Variants in JPH4 observed in about 807,000 individuals in gnomAD.
The protein encoded by JPH4 is junctophilin-4.
Under a neutral mutation model 57.6 loss-of-function variants are expected in JPH4, and 18 were observed. That is an observed-to-expected ratio of 0.31 (90% confidence interval 0.22 to 0.46). JPH4 has a LOEUF of 0.46. Among genes scored for constraint, JPH4 ranks in the 20% least tolerant of loss-of-function variants. The probability of loss-of-function intolerance (pLI) is 1.00; values close to 1 mark genes in which losing one functional copy is unlikely to be tolerated. For synonymous variants in JPH4, 425 were observed against 406.6 expected, an observed-to-expected ratio of 1.05 and a Z score of -0.54; for missense variants, 727 against 911.1, an observed-to-expected ratio of 0.80 and a Z score of 2.60.
Position 23,576,193 on chromosome 14 carries a change from C to A in JPH4, c.643G>T (p.Ala215Ser). Residue 215 changes from alanine to serine, a missense_variant, in exon 3 of 6, where the codon GCC (alanine) becomes TCC (serine). Ala to Ser is a moderately conservative substitution (Grantham distance 99). This residue lies in a region of JPH4 where 131 missense variants were observed against 156.5 expected (regional missense o/e 0.84). Transcript: ENST00000356300. This position sits in a 1 kb window ranked among gnomAD's most constrained non-coding sequence, Gnocchi z 8.0. ...AGCGAACGGCGAAAGAATCCGCCGGCCGCCGGAGTGCGCTTTCGGGACGAC... is the reference window on the plus strand; with the variant it reads ...AGCGAACGGCGAAAGAATCCGCCGGACGCCGGAGTGCGCTTTCGGGACGAC... ...GASSRKRTPAAGGFFRRSLLL... is the reference protein window; with the variant it reads ...GASSRKRTPASGGFFRRSLLL... 2 of 1,293,054 alleles carry A rather than the reference C, an allele frequency of 1.5e-6. No individual in the cohort carries two copies. The highest frequency in any genetic ancestry group is 2.0e-6 in the Non-Finnish European group (2 of 1,019,756). 80.1% of individuals were successfully genotyped at this position (1,293,054 alleles called of 1,614,324 possible).
rs1225132904 is a variant in JPH4 at position 23,569,254 on chromosome 14, C to G, written c.*380G>C. 3.5e-6 allele frequency: 1 copy of G among 286,884 alleles called. No homozygotes were observed. The allele number at this position is 286,884 out of a possible 1,614,324, so 17.8% of individuals were successfully genotyped here. ...CAGGAGTCTCCTTAGGACACCAAAC[C>G]CCCACCCGCAGCGAAGTTGAGGTCT... On this transcript the variant is annotated 3_prime_UTR_variant, in exon 6 of 6. Coordinates refer to ENST00000356300, the MANE Select transcript of JPH4 (RefSeq NM_001146028.2). The surrounding 1 kb of genome is among the most constrained non-coding windows in gnomAD (Gnocchi z 4.8).
chr14:23,571,506 G>C lies in JPH4; in HGVS notation c.1271-46C>G. 1 of 1,570,558 alleles carries C rather than the reference G, an allele frequency of 6.4e-7. No individual in the cohort carries two copies. Among genetic ancestry groups the C allele is most frequent in the Non-Finnish European group, 8.6e-7 (1 of 1,165,864 alleles). On this transcript the variant is annotated intron_variant, in intron 4 of 5. Coordinates refer to ENST00000356300, the MANE Select transcript of JPH4 (RefSeq NM_001146028.2). The surrounding 1 kb of genome is among the most constrained non-coding windows in gnomAD (Gnocchi z 4.6). ...ATCAGAGGGGCCTAACTGGCCTTGG[G>C]CTGGAGTGGCTGCAGCTTTATTCCT...
chr14:23,571,781 C>A lies in JPH4; in HGVS notation c.1270+21G>T. The A allele has an allele frequency of 6.2e-7, 1 of 1,604,026 alleles. No homozygotes were observed. Among genetic ancestry groups the A allele is most frequent in the South Asian group, 1.1e-5 (1 of 90,948 alleles). ...CTCCCTAGGGGCCTCACTGCCCTCC[C>A]CCCAGCTGTCCATGCCTCACCTGGG... is the stretch of plus-strand genomic sequence containing the variant. On this transcript the variant is annotated intron_variant, in intron 4 of 5. Coordinates refer to ENST00000356300, the MANE Select transcript of JPH4 (RefSeq NM_001146028.2). The surrounding 1 kb of genome is among the most constrained non-coding windows in gnomAD (Gnocchi z 4.6).
At chr14:23,570,663 C>T (rs1442564335) in intron 5 of JPH4, among the ~76,000 whole-genome samples, 2 of 152,002 alleles carry the variant, frequency 1.3e-5, no homozygotes, top group African/African-American at 2.4e-5. Flanking sequence ...CGTGAGCCAC[C>T]GCGCCCGGCC....
In JPH4 at chr14:23,571,123, G is replaced by A. The variant is rs777264708; in HGVS notation, c.1608C>T (p.Ser536=). Residue 536 remains serine, a synonymous_variant, in exon 5 of 6, where the codon AGC becomes AGT. Transcript: ENST00000356300. The surrounding 1 kb of genome is among the most constrained non-coding windows in gnomAD (Gnocchi z 4.6). Reference sequence around the variant, plus strand: ...CCTCTCGAAGACTTCCTGAACTGTCGCTGCAGCCTCCGAGGAGTGGGGAAC... The same window carrying A: ...CCTCTCGAAGACTTCCTGAACTGTCACTGCAGCCTCCGAGGAGTGGGGAAC... The part of the protein sequence containing the change: ...RDGSPLLGGC[S]DSSGSLREEE... The A allele has an allele frequency of 2.0e-5, 32 of 1,613,944 alleles. No individual in the cohort carries two copies. Among genetic ancestry groups the A allele is most frequent in the African/African-American group, 1.9e-4 (14 of 74,912 alleles).
Position 23,576,188 on chromosome 14 carries a change from G to A in JPH4, c.648C>T (p.Gly216=), listed in dbSNP as rs1391024887. The A allele has an allele frequency of 1.5e-6, 2 of 1,294,052 alleles. No homozygotes were observed. Among genetic ancestry groups the A allele is most frequent in the African/African-American group, 1.5e-5 (1 of 64,722 alleles). 80.2% of individuals were successfully genotyped at this position (1,294,052 alleles called of 1,614,324 possible). A position where few individuals can be genotyped will look rare whatever the true frequency, so the allele number is the denominator to read the frequency against. ...ASSRKRTPAA[G]GFFRRSLLLS... is the part of the protein sequence containing the mutation. ...GCAGCAGCGAACGGCGAAAGAATCC[G>A]CCGGCCGCCGGAGTGCGCTTTCGGG... Residue 216 remains glycine, a synonymous_variant, in exon 3 of 6, where the codon GGC becomes GGT. Transcript: ENST00000356300. The surrounding 1 kb of genome is among the most constrained non-coding windows in gnomAD (Gnocchi z 8.0).
chr14:23,572,835 T>C (rs1408907003), intron 3 of JPH4: 2 of 702,218 alleles, frequency 2.8e-6, no homozygotes, highest in African/African-American at 3.5e-5. Context: ...CCTACCACCT[T>C]CCCTGCTCCT....
chr14:23,571,333 G>A lies in JPH4; in HGVS notation c.1398C>T (p.Ser466=). 6.3e-7 allele frequency: 1 copy of A among 1,596,614 alleles called. No individual in the cohort carries two copies. Among genetic ancestry groups the A allele is most frequent in the Non-Finnish European group, 8.5e-7 (1 of 1,174,044 alleles). ...GSPELPSSPA[S]SRQPWRPPAC... is the part of the protein sequence containing the mutation. ...CAGGGGGTCGCCAGGGTTGGCGGGAGGAGGCAGGACTGCTGGGCAGTTCAG... is the reference window on the plus strand; with the variant it reads ...CAGGGGGTCGCCAGGGTTGGCGGGAAGAGGCAGGACTGCTGGGCAGTTCAG... The change falls in exon 5 of 6, where the codon TCC becomes TCT. Residue 466 remains serine, a synonymous_variant. Coordinates refer to ENST00000356300, the MANE Select transcript of JPH4 (RefSeq NM_001146028.2). The surrounding 1 kb of genome is among the most constrained non-coding windows in gnomAD (Gnocchi z 4.6).
chr14:23,576,068 T>G lies in JPH4; in HGVS notation c.768A>C (p.Gly256=). The G allele has an allele frequency of 7.6e-7, 1 of 1,313,798 alleles. No homozygotes were observed. The highest frequency in any genetic ancestry group is 3.2e-5 in the East Asian group (1 of 31,626). The allele number at this position is 1,313,798 out of a possible 1,614,324, so 81.4% of individuals were successfully genotyped here. The stretch of plus-strand genomic sequence containing the variant: ...GCCCGCTGGCCTCCGAGCCGGGCGG[T>G]CCGGTGCTGCCCACCTCGCTGCTCA... The part of the protein sequence containing the change: ...SEVSSEVGST[G]PPGSEASGPP... The change falls in exon 3 of 6, where the codon GGA becomes GGC. Residue 256 remains glycine, a synonymous_variant. Transcript: ENST00000356300. This position sits in a 1 kb window ranked among gnomAD's most constrained non-coding sequence, Gnocchi z 8.0.
At position 23,575,894 on chromosome 14, in the gene JPH4, C is replaced by T; in HGVS notation, c.942G>A (p.Arg314=). 6.4e-7 allele frequency: 1 copy of T among 1,571,222 alleles called. No individual in the cohort carries two copies. Among genetic ancestry groups the T allele is most frequent in the Non-Finnish European group, 8.6e-7 (1 of 1,163,258 alleles). ...RYEGEWLGNR[R]HGYGRTTRPD... Reference sequence around the variant, plus strand: ...GGCGGGTGGTGCGCCCGTAGCCGTGCCGCCGGTTGCCCAGCCACTCGCCCT... The same window carrying T: ...GGCGGGTGGTGCGCCCGTAGCCGTGTCGCCGGTTGCCCAGCCACTCGCCCT... The change falls in exon 3 of 6, where the codon CGG becomes CGA. Residue 314 remains arginine (R), a synonymous_variant. Transcript: ENST00000356300. This position sits in a 1 kb window ranked among gnomAD's most constrained non-coding sequence, Gnocchi z 6.9.
In JPH4 at chr14:23,569,740, A is replaced by T; in HGVS notation, c.1804-23T>A. The T allele has an allele frequency of 6.6e-7, 1 of 1,511,428 alleles. No homozygotes were observed. The highest frequency in any genetic ancestry group is 2.5e-5 in the East Asian group (1 of 40,716). The allele number at this position is 1,511,428 out of a possible 1,614,324, so 93.6% of individuals were successfully genotyped here. A position where few individuals can be genotyped will look rare whatever the true frequency, so the allele number is the denominator to read the frequency against. On this transcript the variant is annotated intron_variant, in intron 5 of 5. Transcript: ENST00000356300. The surrounding 1 kb of genome is among the most constrained non-coding windows in gnomAD (Gnocchi z 4.8). Reference sequence around the variant, plus strand: ...TCCCTAGAGAGACAGAGGGGGAAGCAGACTCAGTCCCCGAGGACAGGGCCC... The same window carrying T: ...TCCCTAGAGAGACAGAGGGGGAAGCTGACTCAGTCCCCGAGGACAGGGCCC...
chr14:23,569,040 C>G lies in JPH4; in HGVS notation c.*594G>C, dbSNP rs1038864333. ...AGGATGGAATTGGGCAGTAACCCAG[C>G]TCAGTGCTTGGAGGTAAGATAATAG... On this transcript the variant is annotated 3_prime_UTR_variant, in exon 6 of 6. Coordinates refer to ENST00000356300, the MANE Select transcript of JPH4 (RefSeq NM_001146028.2). The surrounding 1 kb of genome is among the most constrained non-coding windows in gnomAD (Gnocchi z 4.8). 6.4e-6 allele frequency: 1 copy of G among 156,930 alleles called. No individual in the cohort carries two copies. The highest frequency in any genetic ancestry group is 1.4e-5 in the Non-Finnish European group (1 of 71,066). 9.7% of individuals were successfully genotyped at this position (156,930 alleles called of 1,614,324 possible).
chr14:23,575,560 C>T lies in JPH4; in HGVS notation c.1151+125G>A. The T allele has an allele frequency of 7.6e-7, 1 of 1,307,716 alleles. No individual in the cohort carries two copies. The allele number at this position is 1,307,716 out of a possible 1,614,324, so 81.0% of individuals were successfully genotyped here. On this transcript the variant is annotated intron_variant, in intron 3 of 5. Transcript: ENST00000356300. The surrounding 1 kb of genome is among the most constrained non-coding windows in gnomAD (Gnocchi z 6.9). ...ATGCCCAGGGGTCCAACTGCCTGGCCTTAGGCTTGCAATAGCAGGCCCTAG... is the reference window on the plus strand; with the variant it reads ...ATGCCCAGGGGTCCAACTGCCTGGCTTTAGGCTTGCAATAGCAGGCCCTAG...
At chr14:23,574,305 G>T (rs1184826572) in intron 3 of JPH4, among the ~76,000 whole-genome samples, 3 of 151,868 alleles carry the variant, frequency 2.0e-5, no homozygotes, top group Non-Finnish European at 2.9e-5. Flanking sequence ...CTCCCGAGTA[G>T]CTGGGATTAC....
chr14:23,570,815 G>A, intron 5 of JPH4, 113 bp downstream of exon 5: 3 of 1,119,834 alleles, frequency 2.7e-6, no homozygotes, highest in Non-Finnish European at 3.6e-6. Context: ...GACTGGCCAG[G>A]CAGAGGAAGC....
intron 3 of JPH4, among the ~76,000 whole-genome samples, chr14:23,574,269 G>A (rs1208409778): frequency 6.6e-6 from 1 of 151,654 alleles, no homozygotes; most frequent in Non-Finnish European, 1.5e-5. Flanking sequence ...CTGTCTCCCG[G>A]GTTCAAGTGA....
Position 23,568,217 on chromosome 14 carries a change from A to G in JPH4, c.*1417T>C, listed in dbSNP as rs1483422115. ...AGGGAGGCAAGCCAAGGAATAAACA[A>G]GAGTTTGACTAGAAAAAAAGAAGAG... On this transcript the variant is annotated 3_prime_UTR_variant, in exon 6 of 6. Coordinates refer to ENST00000356300, the MANE Select transcript of JPH4 (RefSeq NM_001146028.2). 1 of 985,768 alleles carries G rather than the reference A, an allele frequency of 1.0e-6. No individual in the cohort carries two copies. The highest frequency in any genetic ancestry group is 1.2e-6 in the Non-Finnish European group (1 of 829,948). The allele number at this position is 985,768 out of a possible 1,614,324, so 61.1% of individuals were successfully genotyped here. A position where few individuals can be genotyped will look rare whatever the true frequency, so the allele number is the denominator to read the frequency against.
chr14:23,569,261 C>T lies in JPH4; in HGVS notation c.*373G>A. Reference sequence around the variant, plus strand: ...CTCCTTAGGACACCAAACCCCCACCCGCAGCGAAGTTGAGGTCTAAAGAAA... The same window carrying T: ...CTCCTTAGGACACCAAACCCCCACCTGCAGCGAAGTTGAGGTCTAAAGAAA... On this transcript the variant is annotated 3_prime_UTR_variant, in exon 6 of 6. Coordinates refer to ENST00000356300, the MANE Select transcript of JPH4 (RefSeq NM_001146028.2). This position sits in a 1 kb window ranked among gnomAD's most constrained non-coding sequence, Gnocchi z 4.8. The T allele has an allele frequency of 3.5e-6, 1 of 287,112 alleles. No individual in the cohort carries two copies. Among genetic ancestry groups the T allele is most frequent in the Non-Finnish European group, 6.7e-6 (1 of 148,434 alleles). The allele number at this position is 287,112 out of a possible 1,614,324, so 17.8% of individuals were successfully genotyped here. A position where few individuals can be genotyped will look rare whatever the true frequency, so the allele number is the denominator to read the frequency against.
In JPH4 at chr14:23,576,897, AG is replaced by A. The variant is rs1488112708; in HGVS notation, c.379+177del. On this transcript the variant is annotated intron_variant, in intron 2 of 5. Transcript: ENST00000356300. The surrounding 1 kb of genome is among the most constrained non-coding windows in gnomAD (Gnocchi z 8.0). ...GAAGCGAGCAGGAGACAGACAATTGAGGAAAGCATAATCATGGTGGGAGAGA... is the reference window on the plus strand; with the variant it reads ...GAAGCGAGCAGGAGACAGACAATTGAGAAAGCATAATCATGGTGGGAGAGA... Among the ~76,000 whole-genome samples, 1 of 151,088 alleles carries A rather than the reference AG, an allele frequency of 6.6e-6. No homozygotes were observed. Among genetic ancestry groups the A allele is most frequent in the Non-Finnish European group, 1.5e-5 (1 of 67,920 alleles).
Sources: gnomAD v4.1 joint callset for allele counts (sites outside exome capture counted in the v4.1 genomes callset) on GRCh38, gnomAD v4.1.1 for gene constraint, gnomAD v4.1.1 regional missense constraint, Gnocchi (gnomAD v3.1) non-coding constraint, MANE v1.5 for transcripts, NCBI Gene and HGNC (gene_info 2026-07-23, HGNC 2026-07-21) for gene names.